Variants in LINC00632 observed in about 807,000 individuals in gnomAD.
LINC00632 encodes ALDOA related specific transcript.
intron 3 of LINC00632, among the ~76,000 whole-genome samples, chrX:140,743,344 G>A (rs747662516): frequency 3.5e-4 from 38 of 108,379 alleles, no homozygotes; most frequent in African/African-American, 1.3e-3. Flanking sequence ...GATGAGAGAC[G>A]GAGAAGTAAC....
At chrX:140,753,611 A>G (rs1233394514) in intron 3 of LINC00632, among the ~76,000 whole-genome samples, 1 of 110,124 alleles carries the variant, frequency 9.1e-6, no homozygotes, top group East Asian at 2.8e-4. Context: ...TATCTTTATT[A>G]TATGTGGAAA....
exon 5 of LINC00632, among the ~76,000 whole-genome samples, chrX:140,786,368 T>C (rs954694781): frequency 2.7e-5 from 3 of 111,427 alleles, no homozygotes; most frequent in Non-Finnish European, 5.7e-5. Context: ...GTTAAGGCCA[T>C]GAAGAAAAAG....
At chrX:140,729,384 AAAC>A (rs1931019885) in intron 2 of LINC00632, among the ~76,000 whole-genome samples, 1 of 111,070 alleles carries the variant, frequency 9.0e-6, no homozygotes, top group Non-Finnish European at 1.9e-5. Context: ...TCAGAAAAAA[AAAC>A]AAACCACAAA....
At chrX:140,784,493 G>A (rs750058453) in exon 5 of LINC00632, 59 of 781,468 alleles carry the variant, frequency 7.5e-5, no homozygotes, top group African/African-American at 6.7e-4. Context: ...GCATCTGCTC[G>A]TCTTCCAACA....
intron 2 of LINC00632, among the ~76,000 whole-genome samples, chrX:140,724,914 TACACATACACATTCCGTATACAC>T (rs1402825291): frequency 3.5e-4 from 3 of 8,684 alleles, no homozygotes; most frequent in African/African-American, 1.1e-3. Flanking sequence ...ACATTCCATA[TACACATACACATTCCGTATACAC>T]ACACAGACTC....
At chrX:140,723,320 C>CACATTCGAT (rs1930768977) in intron 2 of LINC00632, among the ~76,000 whole-genome samples, 1 of 95,804 alleles carries the variant, frequency 1.0e-5, no homozygotes, top group Non-Finnish European at 2.1e-5. Flanking sequence ...CACACAGACA[C>CACATTCGAT]ACATTCCATA....
intron 2 of LINC00632, among the ~76,000 whole-genome samples, chrX:140,724,039 C>CACAG (rs1930840473): frequency 1.2e-5 from 1 of 80,765 alleles, no homozygotes; most frequent in African/African-American, 4.3e-5. Context: ...TCCATACACA[C>CACAG]ACACATTCTG....
At chrX:140,748,799 A>C (rs185074491) in intron 3 of LINC00632, among the ~76,000 whole-genome samples, 2,046 of 105,997 alleles carry the variant, frequency 0.019, 28 homozygotes, top group Non-Finnish European at 0.03. Context: ...TATATTTTAT[A>C]TATGATATAT....
chrX:140,772,592 C>T (rs886786834), exon 4 of LINC00632: 26 of 255,726 alleles, frequency 1.0e-4, no homozygotes, highest in Admixed American at 1.4e-4. Flanking sequence ...TCTTTAAATG[C>T]TTGATAATGG....
At chrX:140,728,629 C>T (rs1343239500) in intron 2 of LINC00632, among the ~76,000 whole-genome samples, 2 of 111,582 alleles carry the variant, frequency 1.8e-5, no homozygotes, top group African/African-American at 6.5e-5. Context: ...ACCCCCACAA[C>T]AACGTGGAAA....
At chrX:140,724,024 C>T (rs1249259320) in intron 2 of LINC00632, among the ~76,000 whole-genome samples, 1 of 63,997 alleles carries the variant, frequency 1.6e-5, no homozygotes, top group East Asian at 5.9e-4. Flanking sequence ...CACACAGACA[C>T]ACATTCCATA....
chrX:140,724,855 TACAC>T (rs769287553), intron 2 of LINC00632, among the ~76,000 whole-genome samples: 9 of 3,934 alleles, frequency 2.3e-3, no homozygotes, highest in African/African-American at 3.8e-3. Context: ...ACATTCCATA[TACAC>T]ACACAGACAC....
exon 5 of LINC00632, among the ~76,000 whole-genome samples, chrX:140,780,110 T>A (rs2148404308): frequency 8.9e-6 from 1 of 112,330 alleles, no homozygotes; most frequent in South Asian, 3.7e-4. Context: ...GCAGTCAAAA[T>A]ACCTGCATTA....
intron 2 of LINC00632, among the ~76,000 whole-genome samples, chrX:140,727,016 G>A (rs1017593332): frequency 1.1e-4 from 12 of 110,393 alleles, no homozygotes; most frequent in African/African-American, 4.0e-4. Flanking sequence ...TACAATGCAC[G>A]GACCTTCCCT....
At chrX:140,718,770 C>G (rs1930681193) in intron 2 of LINC00632, among the ~76,000 whole-genome samples, 1 of 111,954 alleles carries the variant, frequency 8.9e-6, no homozygotes, top group Admixed American at 9.6e-5. Flanking sequence ...CTGCATAACA[C>G]CTAGACTTAT....
chrX:140,789,612 G>A (rs1386887982), exon 5 of LINC00632, among the ~76,000 whole-genome samples: 2 of 112,140 alleles, frequency 1.8e-5, no homozygotes, highest in African/African-American at 6.4e-5. Flanking sequence ...CTCCTGGCAT[G>A]CTGAATGCTA....
chrX:140,713,605 C>T (rs1301841212), intron 2 of LINC00632: 2 of 340,602 alleles, frequency 5.9e-6, no homozygotes, highest in Non-Finnish European at 1.2e-5. Context: ...ATAACACAAA[C>T]ACATTTACCC....
intron 3 of LINC00632, among the ~76,000 whole-genome samples, chrX:140,735,795 A>G (rs1931135040): frequency 9.0e-6 from 1 of 110,965 alleles, no homozygotes; most frequent in Non-Finnish European, 1.9e-5. Flanking sequence ...CGATCTCCCA[A>G]CCTCAGATGA....
At chrX:140,777,610 T>C (rs776580218) in exon 5 of LINC00632, among the ~76,000 whole-genome samples, 1 of 112,567 alleles carries the variant, frequency 8.9e-6, no homozygotes, top group Non-Finnish European at 1.9e-5. Context: ...TTTCTTTATA[T>C]AGCCATGGTT....
Sources: allele counts gnomAD v4.1 joint callset (sites outside exome capture counted in the v4.1 genomes callset), GRCh38; gene constraint gnomAD v4.1.1; transcripts MANE v1.5; gene names NCBI Gene and HGNC (gene_info 2026-07-23, HGNC 2026-07-21).